Variants in SLC8A1 observed in about 807,000 individuals in gnomAD.
SLC8A1 encodes the protein solute carrier family 8 member A1, also known as sodium/calcium exchanger 1.
A neutral mutation model predicts 68.3 loss-of-function variants in SLC8A1; 18 were observed. The ratio of observed to expected loss-of-function variants is 0.26; its 90% confidence interval spans 0.18 to 0.39. The LOEUF (loss-of-function observed/expected upper bound fraction) is 0.39. SLC8A1 is among the 10% of genes least tolerant of loss of function. The pLI is 1.00. For missense variants in SLC8A1, 985 were observed against 1,156.7 expected (o/e 0.85, Z 2.15); for synonymous variants, 475 against 415.5 (o/e 1.14, Z -1.74).
intron 2 of SLC8A1, among the ~76,000 whole-genome samples, chr2:40,302,739 C>G (rs1003926283): frequency 7.2e-5 from 11 of 152,002 alleles, no homozygotes; most frequent in African/African-American, 2.2e-4. Flanking sequence ...GACTTCTTTT[C>G]CTCTGGGAAA....
At chr2:40,295,938 T>C (rs1053645848) in intron 2 of SLC8A1, among the ~76,000 whole-genome samples, 1 of 152,112 alleles carries the variant, frequency 6.6e-6, no homozygotes. Flanking sequence ...AGAGAGACAG[T>C]GTACCCAAGG....
In SLC8A1 at chr2:40,164,783, T is replaced by C. The variant is rs1364179398; in HGVS notation, c.2061+71A>G. The C allele has an allele frequency of 3.8e-6, 6 of 1,575,736 alleles. No individual in the cohort carries two copies. In the East Asian group the frequency reaches 1.3e-4, roughly 35 times the overall value. ...CTCTTTCCAGGTGGATCTTAAGCTT[T>C]GGCCAACCCTATGAACAGTTTCTGT... On this transcript the variant is annotated intron_variant, in intron 5 of 7. Coordinates refer to ENST00000406785, the Ensembl canonical transcript of SLC8A1.
intron 2 of SLC8A1, among the ~76,000 whole-genome samples, chr2:40,215,319 C>T (rs554946418): frequency 2.6e-4 from 40 of 152,176 alleles, no homozygotes; most frequent in South Asian, 1.5e-3. Flanking sequence ...GTACACACTG[C>T]TATGCCCAAC....
At chr2:40,369,037 T>C (rs1478055012) in intron 2 of SLC8A1, among the ~76,000 whole-genome samples, 1 of 151,888 alleles carries the variant, frequency 6.6e-6, no homozygotes, top group East Asian at 1.9e-4. Flanking sequence ...AGAAACTAAC[T>C]CAAGATGGAT....
chr2:40,437,250 G>T (rs902540804), intron 1 of SLC8A1, among the ~76,000 whole-genome samples: 1 of 152,096 alleles, frequency 6.6e-6, no homozygotes, highest in Non-Finnish European at 1.5e-5. Context: ...GGGACAGAGA[G>T]CTCAAGATTT....
At chr2:40,196,102 T>C (rs1259047786) in intron 2 of SLC8A1, among the ~76,000 whole-genome samples, 1 of 107,766 alleles carries the variant, frequency 9.3e-6, no homozygotes. Context: ...TTTATGGGGG[T>C]GGGGGGAAGG....
intron 2 of SLC8A1, among the ~76,000 whole-genome samples, chr2:40,310,816 C>G (rs756835990): frequency 2.8e-4 from 43 of 152,104 alleles, no homozygotes; most frequent in Non-Finnish European, 4.3e-4. Flanking sequence ...TGGATCTGGT[C>G]ATATGTTAGT....
chr2:40,245,688 T>C (rs1001659030), intron 2 of SLC8A1, among the ~76,000 whole-genome samples: 3 of 152,172 alleles, frequency 2.0e-5, no homozygotes, highest in African/African-American at 7.2e-5. Flanking sequence ...TCAAACTTTT[T>C]TTTTTTTAAT....
At chr2:40,187,473 A>T (rs17025510) in intron 2 of SLC8A1, among the ~76,000 whole-genome samples, 19,301 of 152,112 alleles carry the variant, frequency 0.13, 1,342 homozygotes, top group African/African-American at 0.16. Context: ...GACAGCTAAA[A>T]TCCTGCTGTT....
chr2:40,245,423 A>T (rs4581943), intron 2 of SLC8A1, among the ~76,000 whole-genome samples: 82,522 of 152,092 alleles, frequency 0.54, 24,389 homozygotes, highest in Non-Finnish European at 0.68. Context: ...CCAGAAGAAT[A>T]AGGTGCAAAT....
chr2:40,274,579 G>T (rs2066466298), intron 2 of SLC8A1, among the ~76,000 whole-genome samples: 1 of 152,160 alleles, frequency 6.6e-6, no homozygotes, highest in African/African-American at 2.4e-5. Flanking sequence ...TTTTGCAAAA[G>T]ATCAGATGAT....
intron 2 of SLC8A1, among the ~76,000 whole-genome samples, chr2:40,270,408 T>G (rs115241405): frequency 0.025 from 3,756 of 152,342 alleles, 115 homozygotes; most frequent in African/African-American, 0.069. Context: ...AGGCTAACAT[T>G]GAGGTGCCAG....
chr2:40,199,800 T>C (rs572869970), intron 2 of SLC8A1, among the ~76,000 whole-genome samples: 67 of 151,744 alleles, frequency 4.4e-4, no homozygotes, highest in Non-Finnish European at 9.0e-4. Flanking sequence ...TACATTAGGC[T>C]CTTGTTCTTA....
At chr2:40,498,168 C>G (rs1705830277) in intron 1 of SLC8A1, among the ~76,000 whole-genome samples, 1 of 152,092 alleles carries the variant, frequency 6.6e-6, no homozygotes, top group East Asian at 1.9e-4. Context: ...TAAATCACAA[C>G]ATGTTAAATT....
chr2:40,232,978 T>C (rs1311006880), intron 2 of SLC8A1, among the ~76,000 whole-genome samples: 5 of 151,766 alleles, frequency 3.3e-5, no homozygotes, highest in Non-Finnish European at 5.9e-5. Flanking sequence ...TGTGCCACAT[T>C]TTCTTAATCC....
intron 2 of SLC8A1, among the ~76,000 whole-genome samples, chr2:40,328,081 T>C (rs114870316): frequency 2.0e-5 from 3 of 152,100 alleles, no homozygotes; most frequent in African/African-American, 4.8e-5. Context: ...AAAAAGAGCA[T>C]ATTTAGCAGA....
At chr2:40,438,956 G>A (rs1699988200) in intron 1 of SLC8A1, among the ~76,000 whole-genome samples, 1 of 152,118 alleles carries the variant, frequency 6.6e-6, no homozygotes, top group Non-Finnish European at 1.5e-5. Context: ...GTGCGTGTCT[G>A]AAAATCAGAA....
intron 2 of SLC8A1, among the ~76,000 whole-genome samples, chr2:40,241,733 C>G (rs775280640): frequency 6.6e-6 from 1 of 152,180 alleles, no homozygotes; most frequent in Non-Finnish European, 1.5e-5. Flanking sequence ...GAATCCTCTA[C>G]TTTAGAAAAG....
chr2:40,329,370 G>T (rs926807116), intron 2 of SLC8A1, among the ~76,000 whole-genome samples: 4 of 152,104 alleles, frequency 2.6e-5, no homozygotes, highest in Non-Finnish European at 5.9e-5. Flanking sequence ...TTCCCTTTCT[G>T]GAGGCCAAGT....
Sources: gnomAD v4.1 joint callset for allele counts (sites outside exome capture counted in the v4.1 genomes callset) on GRCh38, gnomAD v4.1.1 for gene constraint, MANE v1.5 for transcripts, NCBI Gene and HGNC (gene_info 2026-07-23, HGNC 2026-07-21) for gene names.